TXNDC16: variants seen among roughly 807,000 people sequenced by gnomAD.
TXNDC16 encodes the protein thioredoxin domain-containing protein 16.
Under a neutral mutation model 85.6 loss-of-function variants are expected in TXNDC16, and 74 were observed. The ratio of observed to expected loss-of-function variants is 0.86; its 90% CI spans 0.72 to 1.05. TXNDC16 has a LOEUF of 1.05. Ranked by LOEUF, TXNDC16 falls within the 50% of genes least tolerant of loss-of-function variation. The pLI is 0.00. For missense variants in TXNDC16, 959 were observed against 947.0 expected, an observed-to-expected ratio of 1.01 and a Z score of -0.17; for synonymous variants, 335 against 326.5, an observed-to-expected ratio of 1.03 and a Z score of -0.28.
chr14:52,494,137 G>T (rs2036477978), intron 9 of TXNDC16, among the ~76,000 whole-genome samples: 1 of 148,698 alleles, frequency 6.7e-6, no homozygotes, highest in Admixed American at 6.8e-5. Context: ...GCAATTTTTA[G>T]GAAAGATATA....
At chr14:52,523,163 G>C (rs982403787) in intron 6 of TXNDC16, among the ~76,000 whole-genome samples, 1 of 152,086 alleles carries the variant, frequency 6.6e-6, no homozygotes. Flanking sequence ...TGGGTTAAAG[G>C]AAAAGTCTCT....
rs542557460 is a variant in TXNDC16 at position 52,547,443 on chromosome 14, CTAA to C, written c.-181-3075_-181-3073del. Among the ~76,000 whole-genome samples the C allele has an allele frequency of 2.8e-4, 42 of 152,262 alleles. 1 individual carries two copies. The South Asian group carries it at 8.5e-3, about 31-fold the overall frequency. On this transcript the variant is annotated intron_variant, in intron 1 of 20. Transcript: ENST00000281741. ...CACAGTAATTTTATATTTGTTGAAT[CTAA>C]TAATAATTTTAAAATTGGGCTTGTA...
rs1594757912 is a variant in TXNDC16, at chr14:52,530,373, TAATATTATATATAATATTATAATA to T, written c.392+6322_392+6345del. Reference sequence around the variant, plus strand: ...TTATAATATAATATATATTATTATATAATATTATATATAATATTATAATATAATATATAATTATTATATAATATT... The same window carrying T: ...TTATAATATAATATATATTATTATATTAATATATAATTATTATATAATATT... On this transcript the variant is annotated intron_variant, in intron 6 of 20. Transcript: ENST00000281741. Among the ~76,000 whole-genome samples the T allele has an allele frequency of 1.8e-4, 6 of 34,032 alleles. 1 individual carries two copies. Among genetic ancestry groups the T allele is most frequent in the Admixed American group, 1.7e-3 (3 of 1,716 alleles). The allele number at this position is 34,032 out of a possible 152,430, so 22.3% of individuals were successfully genotyped here.
intron 14 of TXNDC16, among the ~76,000 whole-genome samples, chr14:52,477,403 C>T (rs2036042374): frequency 6.6e-6 from 1 of 152,086 alleles, no homozygotes; most frequent in South Asian, 2.1e-4. Flanking sequence ...AATTCACCAA[C>T]CAACTATCTG....
At chr14:52,528,639 C>T (rs2037394504) in intron 6 of TXNDC16, among the ~76,000 whole-genome samples, 1 of 150,538 alleles carries the variant, frequency 6.6e-6, no homozygotes, top group East Asian at 1.9e-4. Flanking sequence ...AATATAAATA[C>T]AAAAAAATTG....
intron 6 of TXNDC16, among the ~76,000 whole-genome samples, chr14:52,533,599 AT>A (rs1384130191): frequency 6.6e-6 from 1 of 152,206 alleles, no homozygotes; most frequent in Non-Finnish European, 1.5e-5. Flanking sequence ...AAAAGTAATA[AT>A]CAAGGTTTCA....
chr14:52,465,504 A>G (rs940012268), intron 16 of TXNDC16, among the ~76,000 whole-genome samples: 1 of 151,308 alleles, frequency 6.6e-6, no homozygotes, highest in African/African-American at 2.4e-5. Context: ...AGGCAGGAGA[A>G]TGGCGTGAAC....
intron 10 of TXNDC16, 52 bp downstream of exon 10, chr14:52,490,787 G>A (rs2036382080): frequency 6.4e-7 from 1 of 1,553,744 alleles, no homozygotes; most frequent in South Asian, 1.2e-5. Context: ...TTTAAAACGT[G>A]GAAACTATTA....
intron 4 of TXNDC16, 94 bp downstream of exon 4, chr14:52,542,277 T>C: frequency 1.3e-6 from 1 of 789,318 alleles, no homozygotes; most frequent in East Asian, 2.6e-5. Flanking sequence ...TGGAAAAAGA[T>C]ATGAAATGGA....
intron 14 of TXNDC16, among the ~76,000 whole-genome samples, chr14:52,475,224 AG>A (rs2035993901): frequency 6.6e-6 from 1 of 152,156 alleles, no homozygotes; most frequent in Non-Finnish European, 1.5e-5. Context: ...GGGGTCCTTG[AG>A]GAGGGCTACC....
At chr14:52,540,749 A>C (rs1251557036) in intron 4 of TXNDC16, among the ~76,000 whole-genome samples, 1 of 152,138 alleles carries the variant, frequency 6.6e-6, no homozygotes, top group Non-Finnish European at 1.5e-5. Flanking sequence ...TAGGATATAA[A>C]CTCTCCAAAG....
chr14:52,458,279 C>G (rs1000085420), intron 16 of TXNDC16, among the ~76,000 whole-genome samples: 3 of 152,146 alleles, frequency 2.0e-5, no homozygotes, highest in Non-Finnish European at 4.4e-5. Context: ...AGACAACTGG[C>G]CAGGTGCGGT....
At position 52,530,401 on chromosome 14, in the gene TXNDC16, TATATA is replaced by T. The variant is rs1324466795; in HGVS notation, c.392+6313_392+6317del. ...TATTATATATAATATTATAATATAA[TATATA>T]ATTATTATATAATATTATATATAAT... On this transcript the variant is annotated intron_variant, in intron 6 of 20. Transcript: ENST00000281741. 7.8e-4 allele frequency among the ~76,000 whole-genome samples: 15 copies of T among 19,258 alleles called. 1 individual carries two copies. The highest frequency in any genetic ancestry group is 5.3e-3 in the African/African-American group (15 of 2,830). 12.6% of individuals were successfully genotyped at this position (19,258 alleles called of 152,430 possible).
At position 52,439,360 on chromosome 14, in the gene TXNDC16, C is replaced by T; in HGVS notation, c.2038G>A (p.Ala680Thr). ...AGGGGAGGCAGAGGATCAAAATATG[C>T]CCTCAAGATTCCTCTCCCCACTGGA... ...NTPVGRGILRAYFDPLPPLPL... is the reference protein window; with the variant it reads ...NTPVGRGILRTYFDPLPPLPL... Residue 680 changes from alanine to threonine, a missense_variant, in exon 20 of 21, where the codon GCA (alanine) becomes ACA (threonine). Physicochemically the swap from Ala to Thr is moderately conservative, Grantham distance 58. Transcript: ENST00000281741. The T allele has an allele frequency of 6.2e-7, 1 of 1,613,774 alleles. No homozygotes were observed. The highest frequency in any genetic ancestry group is 8.5e-7 in the Non-Finnish European group (1 of 1,179,828).
intron 18 of TXNDC16, among the ~76,000 whole-genome samples, chr14:52,451,519 C>T (rs1173348110): frequency 6.6e-6 from 1 of 152,018 alleles, no homozygotes; most frequent in African/African-American, 2.4e-5. Context: ...TGATTTACCC[C>T]AAGGATGCGA....
chr14:52,463,094 A>T, intron 16 of TXNDC16: 1 of 411,836 alleles, frequency 2.4e-6, no homozygotes, highest in Non-Finnish European at 4.8e-6. Context: ...TGATTCAGAC[A>T]TCTGAGGCCT....
At chr14:52,465,591 CAAAA>C (rs11411206) in intron 16 of TXNDC16, among the ~76,000 whole-genome samples, 4 of 88,898 alleles carry the variant, frequency 4.5e-5, no homozygotes, top group Admixed American at 1.3e-4. Context: ...GACTCCATCT[CAAAA>C]AAAAAAAAAA....
Position 52,490,449 on chromosome 14 carries a change from T to A in TXNDC16, c.926A>T (p.Asp309Val). 6.3e-7 allele frequency: 1 copy of A among 1,595,340 alleles called. No individual in the cohort carries two copies. The highest frequency in any genetic ancestry group is 8.5e-7 in the Non-Finnish European group (1 of 1,173,214). Residue 309 changes from aspartate to valine, a missense_variant and splice_region_variant, in exon 11 of 21, where the codon GAC (aspartate) becomes GTC (valine). Asp to Val is a radical substitution (Grantham distance 152). Transcript: ENST00000281741. ...TTGAGGAATGTTCACTTCCAAAGAG[T>A]CCCTTTTTCAAAATGGAAATAAATG... Reference protein sequence around the residue: ...GKAGVLLLLRDSLEVNIPQDA... With the variant: ...GKAGVLLLLRVSLEVNIPQDA...
chr14:52,443,529 T>A (rs1044176119), intron 18 of TXNDC16, among the ~76,000 whole-genome samples: 4 of 152,190 alleles, frequency 2.6e-5, no homozygotes, highest in African/African-American at 7.2e-5. Context: ...CTTGACAGAC[T>A]GAGGTGTGTG....
Sources: allele counts gnomAD v4.1 joint callset (sites outside exome capture counted in the v4.1 genomes callset), GRCh38; gene constraint gnomAD v4.1.1; transcripts MANE v1.5; gene names NCBI Gene and HGNC (gene_info 2026-07-23, HGNC 2026-07-21).